Variants in DMTF1 observed in about 807,000 individuals in gnomAD.
DMTF1 encodes the protein cyclin D binding myb like transcription factor 1.
A neutral mutation model predicts 91.1 loss-of-function variants in DMTF1; 39 were observed. That is an observed-to-expected ratio of 0.43 (90% CI 0.33 to 0.56). DMTF1 has a LOEUF of 0.56. DMTF1 is among the 20% of genes least tolerant of loss of function. The pLI, the probability that DMTF1 is intolerant of heterozygous loss-of-function variation, is 0.05. For missense variants in DMTF1, 750 were observed against 914.5 expected (o/e 0.82, Z 2.32); for synonymous variants, 338 against 309.5 (o/e 1.09, Z -0.97).
At chr7:87,194,396 G>GTAATCTT (rs1800692743) in intron 16 of DMTF1, 1 of 479,528 alleles carries the variant, frequency 2.1e-6, no homozygotes. Flanking sequence ...TGAGTGGTTA[G>GTAATCTT]TAATCTTTGT....
intron 1 of DMTF1, chr7:87,163,029 T>C (rs746184714): frequency 3.9e-5 from 6 of 152,128 alleles, no homozygotes; most frequent in Non-Finnish European, 4.4e-5. Context: ...CTTAAAAGGG[T>C]TTTCTGGATG....
In DMTF1 at chr7:87,193,891, C is replaced by T. The variant is rs1414819881; in HGVS notation, c.1817C>T (p.Ala606Val). 2 of 1,613,232 alleles carry T rather than the reference C, an allele frequency of 1.2e-6. No individual in the cohort carries two copies. The highest frequency in any genetic ancestry group is 1.7e-6 in the Non-Finnish European group (2 of 1,179,618). Residue 606 changes from alanine to valine, a missense_variant, in exon 16 of 18, where the codon GCC (alanine) becomes GTC (valine). Transcript: ENST00000331242. Reference sequence around the variant, plus strand: ...TCTGATTTTCCTGAGCCTCCAGACGCCCTAGAAGCAGACACTTTCCCAGAT... The same window carrying T: ...TCTGATTTTCCTGAGCCTCCAGACGTCCTAGAAGCAGACACTTTCCCAGAT... ...QSSDFPEPPD[A>V]LEADTFPDEI...
At chr7:87,172,197 T>G (rs938290686) in intron 5 of DMTF1, among the ~76,000 whole-genome samples, 4 of 152,212 alleles carry the variant, frequency 2.6e-5, no homozygotes, top group African/African-American at 9.6e-5. Flanking sequence ...TTATAAAAAT[T>G]GTGATCTTCA....
intron 3 of DMTF1, among the ~76,000 whole-genome samples, chr7:87,165,631 G>A (rs894544015): frequency 3.3e-5 from 5 of 152,160 alleles, no homozygotes; most frequent in Admixed American, 6.5e-5. Flanking sequence ...TACCTATAAA[G>A]ATGACTCAGA....
At chr7:87,188,437 T>C in intron 13 of DMTF1, 136 bp downstream of exon 13, 1 of 888,058 alleles carries the variant, frequency 1.1e-6, no homozygotes, top group South Asian at 1.6e-5. Flanking sequence ...TAAGATATTT[T>C]GTTTAGTTCA....
chr7:87,194,230 T>C, intron 16 of DMTF1, 128 bp downstream of exon 16: 2 of 1,052,010 alleles, frequency 1.9e-6, no homozygotes, highest in Non-Finnish European at 2.7e-6. Context: ...TCACAAAGTG[T>C]TGTCACTGGC....
At position 87,191,027 on chromosome 7, in the gene DMTF1, C is replaced by T. The variant is rs147277883; in HGVS notation, c.1494C>T (p.Pro498=). The change falls in exon 14 of 18, where the codon CCC becomes CCT. Residue 498 remains proline, a splice_region_variant and synonymous_variant. Coordinates refer to ENST00000331242, the MANE Select transcript of DMTF1 (RefSeq NM_001142327.2). The part of the protein sequence containing the change: ...SGTLQTFEIL[P]SFHLQPTGTP... ...CACTACAGACATTTGAGATTCTTCCCGTGAGTAACGCTTCATATATATTGG... is the reference window on the plus strand; with the variant it reads ...CACTACAGACATTTGAGATTCTTCCTGTGAGTAACGCTTCATATATATTGG... 2.6e-5 allele frequency: 41 copies of T among 1,580,778 alleles called. No homozygotes were observed. The Admixed American group carries it at 2.9e-4, about 11-fold the overall frequency.
chr7:87,168,365 C>T (rs1794293569), intron 4 of DMTF1, among the ~76,000 whole-genome samples: 2 of 152,098 alleles, frequency 1.3e-5, no homozygotes, highest in South Asian at 4.1e-4. Context: ...CTCCCTTTAC[C>T]ACTCTTACCT....
intron 12 of DMTF1, 69 bp from the exon 13 acceptor site, chr7:87,188,023 C>A: frequency 7.8e-7 from 1 of 1,285,908 alleles, no homozygotes. Context: ...CTCCCCCCAC[C>A]TCCCTTGCTG....
At chr7:87,189,119 C>A (rs1179426901) in intron 13 of DMTF1, among the ~76,000 whole-genome samples, 2 of 152,138 alleles carry the variant, frequency 1.3e-5, no homozygotes, top group African/African-American at 2.4e-5. Context: ...GTCCTTTGAT[C>A]TTGCCCACAG....
chr7:87,160,104 T>A (rs538302802), intron 1 of DMTF1, among the ~76,000 whole-genome samples: 1 of 152,254 alleles, frequency 6.6e-6, no homozygotes, highest in Admixed American at 6.5e-5. Flanking sequence ...ATTACTAAAC[T>A]TTCTACTCTA....
chr7:87,181,015 A>G (rs542657097), intron 8 of DMTF1, among the ~76,000 whole-genome samples: 3 of 152,050 alleles, frequency 2.0e-5, no homozygotes, highest in Admixed American at 2.0e-4. Flanking sequence ...GCCACCAGCT[A>G]ATTTTTCTGT....
intron 5 of DMTF1, among the ~76,000 whole-genome samples, chr7:87,172,259 A>G (rs1157146829): frequency 6.6e-6 from 1 of 152,232 alleles, no homozygotes; most frequent in Non-Finnish European, 1.5e-5. Flanking sequence ...TTAGCTTTAT[A>G]CAGGTCCCTC....
At chr7:87,171,131 T>A in intron 5 of DMTF1, 42 bp downstream of exon 5, 2 of 1,312,102 alleles carry the variant, frequency 1.5e-6, no homozygotes, top group Non-Finnish European at 2.2e-6. Context: ...GATGATCCTT[T>A]ACACATTGCT....
chr7:87,166,386 A>T, intron 3 of DMTF1, 97 bp from the exon 4 acceptor site: 2 of 1,315,398 alleles, frequency 1.5e-6, no homozygotes, highest in South Asian at 1.4e-5. Context: ...TGGTAAGAAA[A>T]TTTTTTTAAT....
At chr7:87,190,852 C>T in intron 13 of DMTF1, 93 bp from the exon 14 acceptor site, 1 of 1,006,872 alleles carries the variant, frequency 9.9e-7, no homozygotes, top group Non-Finnish European at 1.4e-6. Context: ...ATTAAATTGC[C>T]TTTATGATAA....
In DMTF1 at chr7:87,188,344, T is replaced by A. The variant is rs751037083; in HGVS notation, c.1411+43T>A. On this transcript the variant is annotated intron_variant, in intron 13 of 17. Transcript: ENST00000331242. ...AAGATTCCTTGCTGTTTGATCTATA[T>A]GATTTGGTTAATGGCTCTGATGTCT... is the stretch of plus-strand genomic sequence containing the variant. 2.5e-6 allele frequency: 4 copies of A among 1,603,238 alleles called. No individual in the cohort carries two copies. In the East Asian group the frequency reaches 8.9e-5, roughly 36 times the overall value.
At chr7:87,171,156 A>G (rs1794982202) in intron 5 of DMTF1, 67 bp downstream of exon 5, 4 of 1,109,882 alleles carry the variant, frequency 3.6e-6, no homozygotes, top group Admixed American at 2.2e-5. Flanking sequence ...TAATAAAATG[A>G]TGAGAAACCT....
At chr7:87,182,138 A>G (rs1562830694) in intron 9 of DMTF1, 90 bp from the exon 10 acceptor site, 2 of 1,583,342 alleles carry the variant, frequency 1.3e-6, no homozygotes, top group South Asian at 2.3e-5. Flanking sequence ...AAACCAGTCA[A>G]ATGGGAAGAA....
Sources: gnomAD v4.1 joint callset for allele counts (sites outside exome capture counted in the v4.1 genomes callset) on GRCh38, gnomAD v4.1.1 for gene constraint, MANE v1.5 for transcripts, NCBI Gene and HGNC (gene_info 2026-07-23, HGNC 2026-07-21) for gene names.